SEZ6: variants seen among roughly 807,000 people sequenced by gnomAD.
SEZ6 encodes the protein seizure related 6 homolog.
SEZ6 carries 53 observed loss-of-function variants against 101.0 expected under a neutral mutation model. The observed-to-expected ratio is 0.52, with a 90% CI of 0.42 to 0.66. The LOEUF is 0.66. Ranked by LOEUF, SEZ6 falls within the 30% of genes least tolerant of loss-of-function variation. The pLI is 0.00. For synonymous variants in SEZ6, 488 were observed against 512.2 expected, an observed-to-expected ratio of 0.95 and a Z score of 0.64; for missense variants, 1,102 against 1,289.4, an observed-to-expected ratio of 0.85 and a Z score of 2.23.
intron 1 of SEZ6, among the ~76,000 whole-genome samples, chr17:29,002,785 G>T (rs1410338016): frequency 6.6e-6 from 1 of 152,192 alleles, no homozygotes; most frequent in Non-Finnish European, 1.5e-5. Flanking sequence ...GCAGGAAGCA[G>T]CAATTACCAT....
chr17:29,005,682 G>C lies in SEZ6; in HGVS notation c.55+133C>G, dbSNP rs2041679280. ...CCCGCCCGGCTTGGCCGGCGCCGGG[G>C]GCAGCGCAGCCGGCGGGGCGCGGTG... On this transcript the variant is annotated intron_variant, in intron 1 of 16. Transcript: ENST00000317338. This position sits in a 1 kb window ranked among gnomAD's most constrained non-coding sequence, Gnocchi z 4.8. The C allele has an allele frequency of 2.3e-6, 2 of 871,230 alleles. No homozygotes were observed. The highest frequency in any genetic ancestry group is 3.9e-5 in the Admixed American group (1 of 25,862). 54.0% of individuals were successfully genotyped at this position (871,230 alleles called of 1,614,324 possible). A position where few individuals can be genotyped will look rare whatever the true frequency, so the allele number is the denominator to read the frequency against.
chr17:28,980,794 G>A (rs902484003), intron 2 of SEZ6, among the ~76,000 whole-genome samples: 11 of 152,016 alleles, frequency 7.2e-5, no homozygotes, highest in Admixed American at 2.0e-4. Flanking sequence ...ATGAGCCACC[G>A]TGTCCAGCCA....
intron 2 of SEZ6, among the ~76,000 whole-genome samples, chr17:28,980,213 T>C (rs2041279813): frequency 6.7e-6 from 1 of 150,284 alleles, no homozygotes; most frequent in South Asian, 2.1e-4. Flanking sequence ...CTTTCTTTTT[T>C]TTTTTTTTTT....
intron 4 of SEZ6, among the ~76,000 whole-genome samples, chr17:28,964,579 G>A (rs1046106878): frequency 6.6e-6 from 1 of 152,186 alleles, no homozygotes; most frequent in Non-Finnish European, 1.5e-5. Flanking sequence ...TGAATGACTC[G>A]TAGACATGAA....
In SEZ6 at chr17:28,961,007, C is replaced by G. The variant is rs762246621; in HGVS notation, c.1241-34G>C. On this transcript the variant is annotated intron_variant, in intron 5 of 16. Transcript: ENST00000317338. ...ACCAGGACAGGACGTAGGCTAGGCC[C>G]CTGCCTGAACCCAGGCAGCCTAACA... 5.0e-6 allele frequency: 8 copies of G among 1,586,634 alleles called. No individual in the cohort carries two copies. The Admixed American group carries it at 1.2e-4, about 24-fold the overall frequency.
chr17:28,970,024 A>G, intron 3 of SEZ6, 72 bp from the exon 4 acceptor site: 1 of 1,372,750 alleles, frequency 7.3e-7, no homozygotes, highest in Non-Finnish European at 9.7e-7. Context: ...TGCCGCCCTC[A>G]GGATCCTGCA....
At chr17:28,960,484 G>T (rs772322882) in intron 7 of SEZ6, 21 bp downstream of exon 7, 8 of 1,579,618 alleles carry the variant, frequency 5.1e-6, no homozygotes, top group Non-Finnish European at 6.9e-6. Flanking sequence ...GCCACCCCCA[G>T]TGAGGCCCCA....
intron 5 of SEZ6, among the ~76,000 whole-genome samples, chr17:28,961,696 G>A (rs1480123216): frequency 6.6e-6 from 1 of 152,152 alleles, no homozygotes; most frequent in Non-Finnish European, 1.5e-5. Flanking sequence ...TATCTGTGAG[G>A]ATTGCTGGGT....
chr17:28,957,987 C>A lies in SEZ6; in HGVS notation c.2262G>T (p.Trp754Cys). Residue 754 changes from tryptophan (W) to cysteine (C), a missense_variant, in exon 11 of 17, where the codon TGG becomes TGT. Trp to Cys is a radical substitution (Grantham distance 215). Transcript: ENST00000317338. ...GCAGGTCCTCACTCCAAGTTAGGTC[C>A]CACTGGCACATGAGGACACTGGATC... ...VVGSSVLMCQ[W>C]DLTWSEDLPS... 6.2e-7 allele frequency: 1 copy of A among 1,613,932 alleles called. No individual in the cohort carries two copies. The highest frequency in any genetic ancestry group is 8.5e-7 in the Non-Finnish European group (1 of 1,179,834).
At chr17:28,996,799 GC>G (rs1282020859) in intron 1 of SEZ6, among the ~76,000 whole-genome samples, 1 of 152,110 alleles carries the variant, frequency 6.6e-6, no homozygotes, top group Non-Finnish European at 1.5e-5. Context: ...CAACTGCACA[GC>G]CCCCAGCCTC....
intron 4 of SEZ6, among the ~76,000 whole-genome samples, chr17:28,967,239 C>T (rs2041084633): frequency 6.6e-6 from 1 of 152,220 alleles, no homozygotes; most frequent in South Asian, 2.1e-4. Flanking sequence ...AAAATGCCTT[C>T]ACACTCTTCT....
chr17:28,979,851 C>T lies in SEZ6; in HGVS notation c.725-38G>A, dbSNP rs779897478. ...AGGAGACACAAAGCTAGTGCCAGCT[C>T]TGGTGAAGTGGTCCAACTAAGGCTG... is the stretch of plus-strand genomic sequence containing the variant. On this transcript the variant is annotated intron_variant, in intron 2 of 16. Coordinates refer to ENST00000317338, the MANE Select transcript of SEZ6 (RefSeq NM_178860.5). The T allele has an allele frequency of 1.1e-5, 17 of 1,578,662 alleles. No individual in the cohort carries two copies. In the African/African-American group the frequency reaches 2.3e-4, roughly 22 times the overall value.
At chr17:28,973,899 G>T (rs2041186111) in intron 3 of SEZ6, among the ~76,000 whole-genome samples, 1 of 152,204 alleles carries the variant, frequency 6.6e-6, no homozygotes. Context: ...AGGGAGCTGA[G>T]GACAATTCCT....
At chr17:28,969,372 C>T (rs901985696) in intron 4 of SEZ6, among the ~76,000 whole-genome samples, 1 of 152,190 alleles carries the variant, frequency 6.6e-6, no homozygotes, top group Admixed American at 6.5e-5. Flanking sequence ...TGTCTGCCTC[C>T]TCCTGAGAAA....
chr17:28,962,826 C>T (rs2041003467), intron 5 of SEZ6, among the ~76,000 whole-genome samples: 1 of 148,360 alleles, frequency 6.7e-6, no homozygotes, highest in African/African-American at 2.5e-5. Context: ...CCCATACCCA[C>T]TAAAAAGAAA....
intron 2 of SEZ6, among the ~76,000 whole-genome samples, chr17:28,980,372 AT>A (rs377432862): frequency 3.4e-3 from 460 of 134,764 alleles, no homozygotes; most frequent in African/African-American, 5.8e-3. Context: ...ATGCCTGGCT[AT>A]TTTTTTTTTT....
At position 28,957,165 on chromosome 17, in the gene SEZ6, C is replaced by A. The variant is rs1258446429; in HGVS notation, c.2572G>T (p.Ala858Ser). 2 of 1,613,848 alleles carry A rather than the reference C, an allele frequency of 1.2e-6. No homozygotes were observed. The highest frequency in any genetic ancestry group is 3.3e-5 in the Admixed American group (2 of 59,992). The change falls in exon 13 of 17, where the codon GCA (alanine) becomes TCA (serine). Residue 858 changes from alanine to serine, a missense_variant. By Grantham distance (99) the Ala-to-Ser change is moderately conservative. Around this residue, in one of 3 missense-constraint regions of SEZ6, gnomAD observed 556 missense variants for 735.1 expected, o/e 0.76. Transcript: ENST00000317338. ...CACGAGAAGTGGATGGTGGCCCCTG[C>A]TGGGTGTAGCTGCTTCTCAGGACTT... Reference protein sequence around the residue: ...ARSPEKQLHPAGATIHFSCAP... With the variant: ...ARSPEKQLHPSGATIHFSCAP...
intron 6 of SEZ6, 48 bp from the exon 7 acceptor site, chr17:28,960,719 GGGGTGTGGCCCCAGGCTT>G: frequency 6.2e-7 from 1 of 1,612,270 alleles, no homozygotes; most frequent in South Asian, 1.1e-5. Flanking sequence ...TGACCCAGAT[GGGGTGTGGCCCCAGGCTT>G]GGGTAGCGTC....
At chr17:28,971,598 CAAAAAA>C (rs369925828) in intron 3 of SEZ6, among the ~76,000 whole-genome samples, 1 of 141,048 alleles carries the variant, frequency 7.1e-6, no homozygotes, top group African/African-American at 2.6e-5. Context: ...CATTTCAAAA[CAAAAAA>C]AAAAAGGAAA....
Sources: gnomAD v4.1 joint callset for allele counts (sites outside exome capture counted in the v4.1 genomes callset) on GRCh38, gnomAD v4.1.1 for gene constraint, gnomAD v4.1.1 regional missense constraint, Gnocchi (gnomAD v3.1) non-coding constraint, MANE v1.5 for transcripts, NCBI Gene and HGNC (gene_info 2026-07-23, HGNC 2026-07-21) for gene names.